PARD3: variants seen among roughly 807,000 people sequenced by gnomAD.
The protein encoded by PARD3 is partitioning defective 3 homolog.
Under a neutral mutation model 155.4 loss-of-function variants are expected in PARD3, and 75 were observed. That is an observed-to-expected ratio of 0.48 (90% CI 0.40 to 0.58). The LOEUF (loss-of-function observed/expected upper bound fraction) is 0.58. Among genes scored for constraint, PARD3 ranks in the 20% least tolerant of loss-of-function variants. The pLI is 0.00. For synonymous variants in PARD3, 576 were observed against 610.5 expected (o/e 0.94, Z 0.83); for missense variants, 1,642 against 1,721.7 (o/e 0.95, Z 0.82).
intron 18 of PARD3, among the ~76,000 whole-genome samples, chr10:34,333,609 C>T (rs969208553): frequency 2.0e-5 from 3 of 152,022 alleles, no homozygotes; most frequent in African/African-American, 2.4e-5. Context: ...TGTCAATTAT[C>T]TACAACTTCT....
At chr10:34,328,150 CA>C (rs1420112164) in intron 19 of PARD3, among the ~76,000 whole-genome samples, 1 of 152,110 alleles carries the variant, frequency 6.6e-6, no homozygotes, top group Non-Finnish European at 1.5e-5. Context: ...ATTTGATAGA[CA>C]ATTTTTTTTT....
chr10:34,675,220 T>C (rs1564492229), intron 2 of PARD3, among the ~76,000 whole-genome samples: 1 of 152,230 alleles, frequency 6.6e-6, no homozygotes, highest in South Asian at 2.1e-4. Flanking sequence ...TCATCTAACT[T>C]TCTGAGTTAG....
chr10:34,327,806 G>A (rs1467848677), intron 19 of PARD3, among the ~76,000 whole-genome samples: 2 of 152,090 alleles, frequency 1.3e-5, no homozygotes, highest in African/African-American at 4.8e-5. Flanking sequence ...TAATTTCTAC[G>A]GGCAGCTGTA....
At chr10:34,199,434 AG>A (rs1951105155) in intron 22 of PARD3, among the ~76,000 whole-genome samples, 1 of 152,114 alleles carries the variant, frequency 6.6e-6, no homozygotes, top group Admixed American at 6.6e-5. Context: ...GTGAGGACTA[AG>A]GGGTAATTGC....
intron 1 of PARD3, among the ~76,000 whole-genome samples, chr10:34,726,792 G>A (rs754406345): frequency 1.2e-4 from 18 of 151,694 alleles, no homozygotes; most frequent in Non-Finnish European, 1.9e-4. Context: ...AGGCGGGAGC[G>A]GGGGTCTTTT....
intron 1 of PARD3, among the ~76,000 whole-genome samples, chr10:34,766,189 T>C (rs1285985295): frequency 6.6e-6 from 1 of 152,228 alleles, no homozygotes; most frequent in East Asian, 1.9e-4. Flanking sequence ...GATTAACCAA[T>C]ACTAAATTAT....
At chr10:34,366,095 G>A (rs1208290513) in intron 12 of PARD3, among the ~76,000 whole-genome samples, 1 of 151,978 alleles carries the variant, frequency 6.6e-6, no homozygotes, top group African/African-American at 2.4e-5. Flanking sequence ...CTTTAATTCT[G>A]CTTCCTCAAA....
At chr10:34,336,784 T>C (rs889411087) in intron 17 of PARD3, among the ~76,000 whole-genome samples, 25 of 152,126 alleles carry the variant, frequency 1.6e-4, no homozygotes, top group African/African-American at 5.6e-4. Flanking sequence ...AATGCCTTAA[T>C]TATCAAAATA....
rs141329813 is a variant in PARD3 at position 34,600,677 on chromosome 10, C to A, written c.223-83518G>T. Among the ~76,000 whole-genome samples, 618 of 152,270 alleles carry A rather than the reference C, an allele frequency of 4.1e-3. 3 individuals are homozygous for A. Among genetic ancestry groups the A allele is most frequent in the African/African-American group, 0.014 (563 of 41,550 alleles). On this transcript the variant is annotated intron_variant, in intron 2 of 24. Coordinates refer to ENST00000374788, the MANE Select transcript of PARD3 (RefSeq NM_001184785.2). Reference sequence around the variant, plus strand: ...AAAATTAGTCTTGTTTTTATGATCACCACATACTAGCAATTTCAAACAATG... The same window carrying A: ...AAAATTAGTCTTGTTTTTATGATCAACACATACTAGCAATTTCAAACAATG...
intron 5 of PARD3, among the ~76,000 whole-genome samples, chr10:34,409,224 T>C (rs1450875252): frequency 6.6e-6 from 1 of 152,148 alleles, no homozygotes; most frequent in Non-Finnish European, 1.5e-5. Context: ...ATGGTGCTGA[T>C]TTATGAAAGC....
intron 22 of PARD3, among the ~76,000 whole-genome samples, chr10:34,212,597 G>A (rs1951805762): frequency 6.6e-6 from 1 of 151,928 alleles, no homozygotes; most frequent in Non-Finnish European, 1.5e-5. Flanking sequence ...ACAAGACCAG[G>A]ACTGTACCTG....
chr10:34,616,323 T>A (rs374442495), intron 2 of PARD3, among the ~76,000 whole-genome samples: 2 of 151,058 alleles, frequency 1.3e-5, no homozygotes, highest in East Asian at 1.9e-4. Flanking sequence ...TCAAAAAAAA[T>A]TAAAAAAAAA....
intron 20 of PARD3, among the ~76,000 whole-genome samples, chr10:34,306,389 C>T (rs978848241): frequency 6.6e-6 from 1 of 152,146 alleles, no homozygotes; most frequent in Admixed American, 6.5e-5. Context: ...TGGCAGCTCA[C>T]GCCTGTAATC....
At chr10:34,648,975 T>A (rs1360133128) in intron 2 of PARD3, among the ~76,000 whole-genome samples, 1 of 152,148 alleles carries the variant, frequency 6.6e-6, no homozygotes, top group Non-Finnish European at 1.5e-5. Flanking sequence ...TAAATATGGC[T>A]GTGGAGCTAC....
intron 2 of PARD3, among the ~76,000 whole-genome samples, chr10:34,692,440 A>G (rs1009308362): frequency 1.4e-4 from 22 of 152,332 alleles, no homozygotes; most frequent in African/African-American, 5.1e-4. Flanking sequence ...CTGCACAGCA[A>G]AAGAAACTAT....
Position 34,775,105 on chromosome 10 carries a change from A to T in PARD3, c.120+39771T>A, listed in dbSNP as rs111875185. ...AGTCACAAATCCTTTCAGTTTGGAG[A>T]CTTACACAACATAGAAGCAGCATAG... On this transcript the variant is annotated intron_variant, in intron 1 of 24. Coordinates refer to ENST00000374788, the MANE Select transcript of PARD3 (RefSeq NM_001184785.2). Among the ~76,000 whole-genome samples, 833 of 152,332 alleles carry T rather than the reference A, an allele frequency of 5.5e-3. 9 individuals are homozygous for T. Among genetic ancestry groups the T allele is most frequent in the African/African-American group, 0.019 (792 of 41,574 alleles).
chr10:34,310,308 A>G (rs11009725), intron 20 of PARD3, among the ~76,000 whole-genome samples: 1 of 152,170 alleles, frequency 6.6e-6, no homozygotes, highest in African/African-American at 2.4e-5. Flanking sequence ...GTATTTATTT[A>G]CCCTGTGTTA....
intron 2 of PARD3, among the ~76,000 whole-genome samples, chr10:34,654,012 T>A (rs2093093784): frequency 6.6e-6 from 1 of 152,148 alleles, no homozygotes; most frequent in Non-Finnish European, 1.5e-5. Context: ...ATACGTTGCT[T>A]CACATTAAGA....
intron 22 of PARD3, among the ~76,000 whole-genome samples, chr10:34,247,081 G>GA (rs998475414): frequency 1.4e-3 from 196 of 138,828 alleles, no homozygotes; most frequent in African/African-American, 3.9e-3. Context: ...CCTTCCAAAG[G>GA]AAAAAAAAAA....
Sources: gnomAD v4.1 joint callset for allele counts (sites outside exome capture counted in the v4.1 genomes callset) on GRCh38, gnomAD v4.1.1 for gene constraint, MANE v1.5 for transcripts, NCBI Gene and HGNC (gene_info 2026-07-23, HGNC 2026-07-21) for gene names.